Variants in VIT observed in about 807,000 individuals in gnomAD.
VIT encodes the protein vitrin.
VIT carries 99 observed loss-of-function variants against 78.0 expected under a neutral mutation model. The observed-to-expected ratio is 1.27, with a 90% CI of 1.08 to 1.50. The LOEUF is 1.50. Ranked by LOEUF, VIT falls within the 40% of genes most tolerant of loss-of-function variation. VIT has a pLI of 0.00. For synonymous variants in VIT, 374 were observed against 334.3 expected (o/e 1.12, Z -1.29); for missense variants, 1,126 against 875.3 (o/e 1.29, Z -3.61).
At chr2:36,751,452 C>T (rs529045853) in intron 4 of VIT, among the ~76,000 whole-genome samples, 15 of 152,276 alleles carry the variant, frequency 9.9e-5, no homozygotes, top group Admixed American at 2.0e-4. Context: ...ACTCATGCCC[C>T]CTTACTTCCA....
Position 36,814,594 on chromosome 2 carries a change from T to A in VIT, c.*233T>A. 2.0e-6 allele frequency: 1 copy of A among 508,684 alleles called. No individual in the cohort carries two copies. The highest frequency in any genetic ancestry group is 3.4e-6 in the Non-Finnish European group (1 of 296,318). 31.5% of individuals were successfully genotyped at this position (508,684 alleles called of 1,614,324 possible). ...AAAGGCTACATCATGTTGAGGGTGC[T>A]GGAGATTTTACATTTTGACAATTGT... On this transcript the variant is annotated 3_prime_UTR_variant, in exon 16 of 16. Coordinates refer to ENST00000379242, the MANE Select transcript of VIT (RefSeq NM_053276.4).
intron 4 of VIT, among the ~76,000 whole-genome samples, chr2:36,747,901 T>C (rs540564596): frequency 1.3e-5 from 2 of 152,324 alleles, no homozygotes; most frequent in East Asian, 3.9e-4. Context: ...TTCTTTCATT[T>C]CCATGTTTAG....
intron 14 of VIT, among the ~76,000 whole-genome samples, chr2:36,807,920 G>A (rs1388644347): frequency 2.0e-5 from 3 of 152,186 alleles, no homozygotes; most frequent in Non-Finnish European, 4.4e-5. Flanking sequence ...TAGGGTGAAG[G>A]TGGGGATTTA....
At chr2:36,737,587 C>T (rs752868554) in intron 3 of VIT, among the ~76,000 whole-genome samples, 2 of 152,154 alleles carry the variant, frequency 1.3e-5, no homozygotes, top group Non-Finnish European at 2.9e-5. Context: ...AATCTTAATA[C>T]CTTGTAAGGC....
chr2:36,792,908 TTTATTA>T (rs772589082), intron 12 of VIT, among the ~76,000 whole-genome samples: 1 of 152,052 alleles, frequency 6.6e-6, no homozygotes, highest in African/African-American at 2.4e-5. Flanking sequence ...ATTGCTGATT[TTTATTA>T]TTATTATTAT....
intron 6 of VIT, among the ~76,000 whole-genome samples, chr2:36,761,057 G>A (rs1460347610): frequency 2.0e-5 from 3 of 152,058 alleles, no homozygotes; most frequent in Non-Finnish European, 2.9e-5. Flanking sequence ...TTTTTACCAT[G>A]AGTGGAAGAG....
chr2:36,777,652 G>T (rs1459908519), intron 9 of VIT, among the ~76,000 whole-genome samples: 1 of 152,088 alleles, frequency 6.6e-6, no homozygotes, highest in Non-Finnish European at 1.5e-5. Flanking sequence ...ATATACCTCT[G>T]TAGAAGCAGG....
intron 1 of VIT, among the ~76,000 whole-genome samples, chr2:36,712,447 C>T (rs1272107284): frequency 6.6e-6 from 1 of 152,206 alleles, no homozygotes; most frequent in Non-Finnish European, 1.5e-5. Context: ...TGCTCTCCGC[C>T]TTCCCTTTGG....
intron 15 of VIT, among the ~76,000 whole-genome samples, chr2:36,813,895 C>T (rs557424394): frequency 6.6e-6 from 1 of 152,294 alleles, no homozygotes; most frequent in East Asian, 1.9e-4. Context: ...CCATTTTGTT[C>T]ATTGTTTCCT....
At chr2:36,720,111 T>A (rs544373601) in intron 2 of VIT, among the ~76,000 whole-genome samples, 3 of 152,298 alleles carry the variant, frequency 2.0e-5, no homozygotes, top group Non-Finnish European at 4.4e-5. Flanking sequence ...GAAATTCCGA[T>A]GGCATTTTTC....
intron 7 of VIT, among the ~76,000 whole-genome samples, chr2:36,769,554 A>T (rs959595991): frequency 1.3e-5 from 2 of 152,222 alleles, no homozygotes; most frequent in Non-Finnish European, 2.9e-5. Context: ...CTAGGATAGG[A>T]ACCAAACTGG....
chr2:36,781,838 TCTAATAATCCAGC>T lies in VIT; in HGVS notation c.847+68_847+80del. The T allele has an allele frequency of 3.8e-6, 6 of 1,584,598 alleles. No homozygotes were observed. The South Asian group carries it at 4.5e-5, about 12-fold the overall frequency. ...ATGCGCAGGATAGCAGAACTAAGAGTCTAATAATCCAGCTGGCATAGCGGCCGAGCTCCACTAG... is the reference window on the plus strand; with the variant it reads ...ATGCGCAGGATAGCAGAACTAAGAGTTGGCATAGCGGCCGAGCTCCACTAG... On this transcript the variant is annotated intron_variant, in intron 10 of 15. Coordinates refer to ENST00000379242, the MANE Select transcript of VIT (RefSeq NM_053276.4).
intron 8 of VIT, 110 bp from the exon 9 acceptor site, chr2:36,774,892 G>T: frequency 6.5e-7 from 1 of 1,532,898 alleles, no homozygotes; most frequent in East Asian, 2.3e-5. Context: ...GAGCTCGGCC[G>T]ACTTCCAAGG....
chr2:36,735,148 G>A (rs921793108), intron 3 of VIT, among the ~76,000 whole-genome samples: 2 of 151,946 alleles, frequency 1.3e-5, no homozygotes, highest in African/African-American at 2.4e-5. Context: ...GCAACAGAGC[G>A]AGACTCTGTC....
At chr2:36,719,696 T>C (rs1206509620) in intron 2 of VIT, among the ~76,000 whole-genome samples, 1 of 152,226 alleles carries the variant, frequency 6.6e-6, no homozygotes, top group African/African-American at 2.4e-5. Flanking sequence ...CCCAGCACCT[T>C]GCGTGGCGGA....
intron 3 of VIT, among the ~76,000 whole-genome samples, chr2:36,732,501 T>C (rs763192401): frequency 6.6e-6 from 1 of 152,250 alleles, no homozygotes; most frequent in Non-Finnish European, 1.5e-5. Flanking sequence ...TTCCAAATCA[T>C]AGTCTATAGC....
At chr2:36,804,704 C>A (rs1666578756) in intron 13 of VIT, among the ~76,000 whole-genome samples, 1 of 152,100 alleles carries the variant, frequency 6.6e-6, no homozygotes, top group Non-Finnish European at 1.5e-5. Flanking sequence ...GTGGTGCGTG[C>A]CTGTAGTCCC....
Position 36,787,230 on chromosome 2 carries a change from C to G in VIT, c.1012C>G (p.Leu338Val), listed in dbSNP as rs1202450422. Residue 338 changes from leucine (L) to valine (V), a missense_variant, in exon 12 of 16, where the codon CTT becomes GTT. By Grantham distance (32) the Leu-to-Val change is conservative. Transcript: ENST00000379242. The stretch of plus-strand genomic sequence containing the variant: ...GCTCCTGGCTGATGTTGCCCAAGCT[C>G]TTGACATTGGCCCTGCCGGTCCACT... Reference protein sequence around the residue: ...KQLLADVAQALDIGPAGPLMG... With the variant: ...KQLLADVAQAVDIGPAGPLMG... 6.2e-7 allele frequency: 1 copy of G among 1,614,148 alleles called. No homozygotes were observed. Among genetic ancestry groups the G allele is most frequent in the Non-Finnish European group, 8.5e-7 (1 of 1,180,008 alleles).
intron 12 of VIT, among the ~76,000 whole-genome samples, chr2:36,792,727 G>C (rs746149841): frequency 2.0e-5 from 3 of 152,072 alleles, no homozygotes; most frequent in Non-Finnish European, 4.4e-5. Context: ...ATATTCTCAT[G>C]GGCCTGTGCT....
Sources: allele counts gnomAD v4.1 joint callset (sites outside exome capture counted in the v4.1 genomes callset), GRCh38; gene constraint gnomAD v4.1.1; transcripts MANE v1.5; gene names NCBI Gene and HGNC (gene_info 2026-07-23, HGNC 2026-07-21).